Variants in TBRG1 observed in about 807,000 individuals in gnomAD.
TBRG1 encodes transforming growth factor beta regulator 1, also known as nuclear interactor of ARF and MDM2.
Under a neutral mutation model 44.0 loss-of-function variants are expected in TBRG1, and 31 were observed. That is an observed-to-expected ratio of 0.70 (90% CI 0.53 to 0.95). The LOEUF is 0.95. Ranked by LOEUF, TBRG1 falls within the 40% of genes least tolerant of loss-of-function variation. The probability of loss-of-function intolerance (pLI) is 0.00; values close to 1 mark genes in which losing one functional copy is unlikely to be tolerated. For synonymous variants in TBRG1, 171 were observed against 188.1 expected, an observed-to-expected ratio of 0.91 and a Z score of 0.74; for missense variants, 487 against 496.1, an observed-to-expected ratio of 0.98 and a Z score of 0.18.
At chr11:124,625,969 C>G in intron 3 of TBRG1, 66 bp downstream of exon 3, 1 of 1,469,196 alleles carries the variant, frequency 6.8e-7, no homozygotes, top group Non-Finnish European at 9.0e-7. Flanking sequence ...AGACCTGGTA[C>G]TAACTGACAG....
At position 124,622,941 on chromosome 11, in the gene TBRG1, G is replaced by A. The variant is rs1249825658; in HGVS notation, c.-143G>A. ...GCGGGTGTCTCTGGCCCTGCGGTCA[G>A]CCCTGGGAACGTCCCGGAGAGCTAG... On this transcript the variant is annotated 5_prime_UTR_variant, in exon 1 of 9. Coordinates refer to ENST00000441174, the MANE Select transcript of TBRG1 (RefSeq NM_032811.3). The A allele has an allele frequency of 3.2e-6, 3 of 939,278 alleles. No individual in the cohort carries two copies. Among genetic ancestry groups the A allele is most frequent in the Non-Finnish European group, 4.6e-6 (3 of 647,970 alleles). 58.2% of individuals were successfully genotyped at this position (939,278 alleles called of 1,614,324 possible).
intron 5 of TBRG1, among the ~76,000 whole-genome samples, chr11:124,629,541 G>A (rs950274544): frequency 6.6e-6 from 1 of 151,962 alleles, no homozygotes. Flanking sequence ...AATTTGACAC[G>A]GTAAATTGAA....
At chr11:124,626,659 A>G in intron 4 of TBRG1, 50 bp downstream of exon 4, 1 of 1,547,064 alleles carries the variant, frequency 6.5e-7, no homozygotes, top group Non-Finnish European at 8.7e-7. Flanking sequence ...AAATACGGGA[A>G]TGGGGTTGAG....
Position 124,631,321 on chromosome 11 carries a change from C to A in TBRG1, c.994C>A (p.Leu332Ile). Reference protein sequence around the residue: ...FDVCKPGDGQLPEGLPENDAA... With the variant: ...FDVCKPGDGQIPEGLPENDAA... ...TGTGTGCAAACCTGGAGATGGGCAG[C>A]TACCTGAGGGGCTGCCGGAGAATGA... Residue 332 changes from leucine (L) to isoleucine (I), a missense_variant, in exon 8 of 9, where the codon CTA (leucine) becomes ATA (isoleucine). Coordinates refer to ENST00000441174, the MANE Select transcript of TBRG1 (RefSeq NM_032811.3). 1 of 1,611,848 alleles carries A rather than the reference C, an allele frequency of 6.2e-7. No individual in the cohort carries two copies. Among genetic ancestry groups the A allele is most frequent in the Non-Finnish European group, 8.5e-7 (1 of 1,178,954 alleles).
At position 124,625,670 on chromosome 11, in the gene TBRG1, G is replaced by A; in HGVS notation, c.222-1G>A. 1 of 1,550,610 alleles carries A rather than the reference G, an allele frequency of 6.4e-7. No individual in the cohort carries two copies. Among genetic ancestry groups the A allele is most frequent in the Non-Finnish European group, 8.7e-7 (1 of 1,146,712 alleles). Reference sequence around the variant, plus strand: ...TCTGCTCCTTTCCTTCCTGATCTCAGGTACTTGCTAAAGAAGCTCCTCCAG... The same window carrying A: ...TCTGCTCCTTTCCTTCCTGATCTCAAGTACTTGCTAAAGAAGCTCCTCCAG... On this transcript the variant is annotated splice_acceptor_variant, in intron 2 of 8. Transcript: ENST00000441174. LOFTEE classifies it high-confidence loss of function.
At chr11:124,631,019 A>G (rs904652148) in intron 7 of TBRG1, 164 bp downstream of exon 7, 27 of 648,684 alleles carry the variant, frequency 4.2e-5, no homozygotes, top group Non-Finnish European at 6.1e-5. Context: ...CAGGTAAGCA[A>G]GAGCCAGGAC....
chr11:124,624,805 G>A (rs145911348), intron 1 of TBRG1, 126 bp from the exon 2 acceptor site: 67 of 670,850 alleles, frequency 1.0e-4, no homozygotes, highest in South Asian at 4.3e-4. Flanking sequence ...TTTGTCACAC[G>A]GTCGAATAGC....
chr11:124,623,813 T>C (rs1034561970), intron 1 of TBRG1, among the ~76,000 whole-genome samples: 1 of 152,258 alleles, frequency 6.6e-6, no homozygotes, highest in Non-Finnish European at 1.5e-5. Context: ...TCCTTTCTTT[T>C]ATTGTAGAAG....
In TBRG1 at chr11:124,626,572, T is replaced by C. The variant is rs1167744604; in HGVS notation, c.554T>C (p.Ile185Thr). Residue 185 changes from isoleucine (I) to threonine (T), a missense_variant, in exon 4 of 9, where the codon ATC becomes ACC. Coordinates refer to ENST00000441174, the MANE Select transcript of TBRG1 (RefSeq NM_032811.3). ...LDPSGRPVFP[I>T]GLGGLTVYSL... ...CCCTCAGGACGGCCTGTGTTCCCCA[T>C]CGGACTAGGGGGTCTAACAGTATAT... 6.4e-7 allele frequency: 1 copy of C among 1,551,514 alleles called. No homozygotes were observed. Among genetic ancestry groups the C allele is most frequent in the Non-Finnish European group, 8.7e-7 (1 of 1,146,886 alleles).
At position 124,626,473 on chromosome 11, in the gene TBRG1, T is replaced by G; in HGVS notation, c.455T>G (p.Val152Gly). The change falls in exon 4 of 9, where the codon GTT (valine) becomes GGT (glycine). Residue 152 changes from valine to glycine, a missense_variant and splice_region_variant. By Grantham distance (109) the Val-to-Gly change is moderately radical (BLOSUM62 -3). Coordinates refer to ENST00000441174, the MANE Select transcript of TBRG1 (RefSeq NM_032811.3). ...EKGKENNKLE[V>G]LKKTCKKKKM... ...GGGTGACCCCAGATTTGCGTTTCAG[T>G]TCTGAAGAAAACATGCAAGAAAAAG... 1 of 1,535,374 alleles carries G rather than the reference T, an allele frequency of 6.5e-7. No homozygotes were observed. The highest frequency in any genetic ancestry group is 8.8e-7 in the Non-Finnish European group (1 of 1,138,982).
At chr11:124,626,016 G>C in intron 3 of TBRG1, 113 bp downstream of exon 3, 2 of 1,388,668 alleles carry the variant, frequency 1.4e-6, no homozygotes, top group Non-Finnish European at 1.9e-6. Flanking sequence ...AGTCTCATCT[G>C]GTTCTTAAGG....
intron 5 of TBRG1, among the ~76,000 whole-genome samples, chr11:124,629,202 G>T (rs1353249208): frequency 6.6e-6 from 1 of 152,212 alleles, no homozygotes; most frequent in African/African-American, 2.4e-5. Context: ...AGCCGGGCCT[G>T]GTGGCGTGCG....
chr11:124,627,354 A>G (rs1409191296), intron 5 of TBRG1, among the ~76,000 whole-genome samples: 1 of 152,240 alleles, frequency 6.6e-6, no homozygotes, highest in East Asian at 1.9e-4. Flanking sequence ...GTACAGGCCA[A>G]AATAGAGGGA....
chr11:124,624,363 C>CAAAAAAAAA (rs61352898), intron 1 of TBRG1, among the ~76,000 whole-genome samples: 109 of 82,952 alleles, frequency 1.3e-3, no homozygotes, highest in East Asian at 2.7e-3. Flanking sequence ...TCATCATTTA[C>CAAAAAAAAA]AAAAAAAAAA....
chr11:124,631,092 T>C, intron 7 of TBRG1, 183 bp from the exon 8 acceptor site: 1 of 659,176 alleles, frequency 1.5e-6, no homozygotes, highest in Non-Finnish European at 2.5e-6. Context: ...GGGTGGGAAA[T>C]CTAGCAGACT....
Position 124,623,125 on chromosome 11 carries a change from G to C in TBRG1, c.42G>C (p.Pro14=). 1 of 1,551,340 alleles carries C rather than the reference G, an allele frequency of 6.4e-7. No individual in the cohort carries two copies. The highest frequency in any genetic ancestry group is 8.7e-7 in the Non-Finnish European group (1 of 1,146,996). ...GCCTCGCTTCCTCGCCGCGGGCTCCGCTGCAGTCCAGCAAGGCCAGGATGA... is the reference window on the plus strand; with the variant it reads ...GCCTCGCTTCCTCGCCGCGGGCTCCCCTGCAGTCCAGCAAGGCCAGGATGA... ...LDGLASSPRA[P]LQSSKARMKK... The change falls in exon 1 of 9, where the codon CCG becomes CCC. Residue 14 remains proline, a synonymous_variant. Transcript: ENST00000441174.
rs189148735 is a variant in TBRG1 at position 124,623,898 on chromosome 11, C to G, written c.150+665C>G. The stretch of plus-strand genomic sequence containing the variant: ...TTTATATTAGAATAGTTTGGCTTGC[C>G]TCAGTGCTTGGAAATAGGGGTGGAG... On this transcript the variant is annotated intron_variant, in intron 1 of 8. Transcript: ENST00000441174. 5.0e-3 allele frequency among the ~76,000 whole-genome samples: 757 copies of G among 152,272 alleles called. 10 individuals are homozygous for G. Among genetic ancestry groups the G allele is most frequent in the African/African-American group, 0.017 (718 of 41,540 alleles).
chr11:124,627,193 T>C (rs1337777092), intron 5 of TBRG1, 143 bp downstream of exon 5: 1 of 639,860 alleles, frequency 1.6e-6, no homozygotes, highest in Admixed American at 2.7e-5. Context: ...TGGCTGGCCC[T>C]AAGTCACACC....
At chr11:124,623,882 G>T (rs1269756151) in intron 1 of TBRG1, among the ~76,000 whole-genome samples, 2 of 152,178 alleles carry the variant, frequency 1.3e-5, no homozygotes, top group Non-Finnish European at 2.9e-5. Flanking sequence ...CTTTATATTA[G>T]AATAGTTTGG....
Sources: allele counts gnomAD v4.1 joint callset (sites outside exome capture counted in the v4.1 genomes callset), GRCh38; gene constraint gnomAD v4.1.1; transcripts MANE v1.5; gene names NCBI Gene and HGNC (gene_info 2026-07-23, HGNC 2026-07-21).